The following ST6GALNAC3 variants were observed in gnomAD, a reference collection of about 807,000 sequenced individuals.
ST6GALNAC3 encodes ST6 N-acetylgalactosaminide alpha-2,6-sialyltransferase 3.
Under a neutral mutation model 32.7 loss-of-function variants are expected in ST6GALNAC3, and 25 were observed. The ratio of observed to expected loss-of-function variants is 0.76; its 90% CI spans 0.56 to 1.07. ST6GALNAC3 has a LOEUF of 1.07. ST6GALNAC3 is among the 50% of genes least tolerant of loss of function. The pLI is 0.00. For synonymous variants in ST6GALNAC3, 129 were observed against 133.1 expected, an observed-to-expected ratio of 0.97 and a Z score of 0.21; for missense variants, 355 against 382.4, an observed-to-expected ratio of 0.93 and a Z score of 0.60.
chr1:76,165,661 C>T (rs1652076269), intron 1 of ST6GALNAC3, among the ~76,000 whole-genome samples: 2 of 152,096 alleles, frequency 1.3e-5, no homozygotes, highest in South Asian at 2.1e-4. Context: ...CCTTTTTCTC[C>T]ACAACTTCAC....
At chr1:76,490,856 C>G (rs1660453258) in intron 3 of ST6GALNAC3, among the ~76,000 whole-genome samples, 1 of 133,952 alleles carries the variant, frequency 7.5e-6, no homozygotes, top group African/African-American at 3.6e-5. Flanking sequence ...TTCTTTTTTT[C>G]TTTTTTTTTG....
intron 1 of ST6GALNAC3, among the ~76,000 whole-genome samples, chr1:76,251,128 T>C (rs530132667): frequency 6.6e-6 from 1 of 152,242 alleles, no homozygotes; most frequent in East Asian, 1.9e-4. Context: ...TTCAACAATG[T>C]ATTCTCCTCC....
chr1:76,579,463 G>GT (rs746384098), intron 3 of ST6GALNAC3, among the ~76,000 whole-genome samples: 4 of 151,872 alleles, frequency 2.6e-5, no homozygotes, highest in Non-Finnish European at 4.4e-5. Context: ...AAAATTCACC[G>GT]TAAGTCTTAA....
chr1:76,379,235 G>A (rs1418152148), intron 2 of ST6GALNAC3, among the ~76,000 whole-genome samples: 1 of 151,982 alleles, frequency 6.6e-6, no homozygotes, highest in Non-Finnish European at 1.5e-5. Context: ...TCCTTTTGTG[G>A]GTCCTAATCT....
chr1:76,603,645 G>C (rs139964097), intron 3 of ST6GALNAC3, among the ~76,000 whole-genome samples: 27 of 152,262 alleles, frequency 1.8e-4, no homozygotes, highest in African/African-American at 5.5e-4. Context: ...GTGTCTGAAT[G>C]GACAATGCTC....
Position 76,412,401 on chromosome 1 carries a change from G to C in ST6GALNAC3, c.607G>C (p.Glu203Gln). ...MSYCDGVFKK[E>Q]TGKDRVQSGS... is the part of the protein sequence containing the mutation. Reference sequence around the variant, plus strand: ...TTACTGTGATGGAGTTTTTAAGAAGGAAACTGGGAAGGACAGGTGAGCCCT... The same window carrying C: ...TTACTGTGATGGAGTTTTTAAGAAGCAAACTGGGAAGGACAGGTGAGCCCT... Residue 203 changes from glutamate (E) to glutamine (Q), a missense_variant, in exon 3 of 5, where the codon GAA becomes CAA. Coordinates refer to ENST00000328299, the MANE Select transcript of ST6GALNAC3 (RefSeq NM_152996.4). 6.2e-7 allele frequency: 1 copy of C among 1,602,764 alleles called. No homozygotes were observed. The highest frequency in any genetic ancestry group is 8.5e-7 in the Non-Finnish European group (1 of 1,173,234).
intron 1 of ST6GALNAC3, among the ~76,000 whole-genome samples, chr1:76,157,659 A>G (rs370908): frequency 6.6e-6 from 1 of 152,038 alleles, no homozygotes; most frequent in South Asian, 2.1e-4. Flanking sequence ...TGATTTTTTT[A>G]AAGTTTATAT....
intron 1 of ST6GALNAC3, among the ~76,000 whole-genome samples, chr1:76,137,150 G>C (rs1482001007): frequency 6.6e-6 from 1 of 152,194 alleles, no homozygotes; most frequent in African/African-American, 2.4e-5. Flanking sequence ...CTGCCACACT[G>C]CCTGTGTTTT....
chr1:76,120,063 C>G (rs1407039698), intron 1 of ST6GALNAC3, among the ~76,000 whole-genome samples: 1 of 152,252 alleles, frequency 6.6e-6, no homozygotes, highest in Admixed American at 6.5e-5. Context: ...TGAACAGACT[C>G]TGCATTTGGT....
intron 1 of ST6GALNAC3, among the ~76,000 whole-genome samples, chr1:76,099,395 A>G (rs1647182054): frequency 6.6e-6 from 1 of 152,198 alleles, no homozygotes; most frequent in Non-Finnish European, 1.5e-5. Context: ...ATGTCCACAA[A>G]AGAGTGGTAC....
intron 3 of ST6GALNAC3, among the ~76,000 whole-genome samples, chr1:76,575,047 A>T (rs909601361): frequency 6.6e-6 from 1 of 152,112 alleles, no homozygotes; most frequent in African/African-American, 2.4e-5. Context: ...AAGCAGCCAA[A>T]ATATTCATTT....
chr1:76,460,735 A>G (rs1389480457), intron 3 of ST6GALNAC3, among the ~76,000 whole-genome samples: 1 of 152,220 alleles, frequency 6.6e-6, no homozygotes, highest in African/African-American at 2.4e-5. Context: ...GCAGCCTGTT[A>G]TCTATCATTT....
At chr1:76,473,231 A>C (rs191520562) in intron 3 of ST6GALNAC3, among the ~76,000 whole-genome samples, 298 of 152,288 alleles carry the variant, frequency 2.0e-3, no homozygotes, top group African/African-American at 6.7e-3. Flanking sequence ...TCATAAATGA[A>C]GGAGAAGTCA....
At position 76,632,744 on chromosome 1, in the gene ST6GALNAC3, T is replaced by G. The variant is rs558843234; in HGVS notation, c.*3938T>G. The G allele has an allele frequency of 1.3e-5, 2 of 152,186 alleles. No homozygotes were observed. The highest frequency in any genetic ancestry group is 4.8e-5 in the African/African-American group (2 of 41,540). 9.4% of individuals were successfully genotyped at this position (152,186 alleles called of 1,614,324 possible). A position where few individuals can be genotyped will look rare whatever the true frequency, so the allele number is the denominator to read the frequency against. On this transcript the variant is annotated 3_prime_UTR_variant, in exon 5 of 5. Transcript: ENST00000328299. ...CTGGTAGTGTTAATTGGATGTTAAT[T>G]ATGAGCTCGGTTTAATTTCAATAAG...
chr1:76,269,154 G>C (rs1168260363), intron 1 of ST6GALNAC3, among the ~76,000 whole-genome samples: 3 of 152,154 alleles, frequency 2.0e-5, no homozygotes, highest in Non-Finnish European at 4.4e-5. Context: ...TAATTGTGTG[G>C]TGGATACTGT....
chr1:76,542,364 A>G (rs1343608546), intron 3 of ST6GALNAC3, among the ~76,000 whole-genome samples: 3 of 152,122 alleles, frequency 2.0e-5, no homozygotes, highest in Non-Finnish European at 4.4e-5. Flanking sequence ...GGTTGGAGGG[A>G]TTAAATGTGA....
At chr1:76,122,020 G>A (rs1368897518) in intron 1 of ST6GALNAC3, among the ~76,000 whole-genome samples, 1 of 152,076 alleles carries the variant, frequency 6.6e-6, no homozygotes, top group Non-Finnish European at 1.5e-5. Context: ...AGCTCTGCAG[G>A]GCTGTCTTCC....
chr1:76,116,697 A>G (rs1286393965), intron 1 of ST6GALNAC3, among the ~76,000 whole-genome samples: 1 of 152,140 alleles, frequency 6.6e-6, no homozygotes, highest in African/African-American at 2.4e-5. Flanking sequence ...TTGGGAGGCC[A>G]AGGTGGGAGG....
At chr1:76,195,916 T>A (rs1328699001) in intron 1 of ST6GALNAC3, among the ~76,000 whole-genome samples, 1 of 152,056 alleles carries the variant, frequency 6.6e-6, no homozygotes, top group Non-Finnish European at 1.5e-5. Flanking sequence ...TTAACTGAGG[T>A]TGGTAAGAAG....
Sources: gnomAD v4.1 joint callset for allele counts (sites outside exome capture counted in the v4.1 genomes callset) on GRCh38, gnomAD v4.1.1 for gene constraint, MANE v1.5 for transcripts, NCBI Gene and HGNC (gene_info 2026-07-23, HGNC 2026-07-21) for gene names.